SPECC1: variants seen among roughly 807,000 people sequenced by gnomAD.
SPECC1 encodes the protein sperm antigen with calponin homology and coiled-coil domains 1.
A neutral mutation model predicts 104.1 loss-of-function variants in SPECC1; 62 were observed. The ratio of observed to expected loss-of-function variants is 0.60; its 90% CI spans 0.49 to 0.74. The LOEUF is 0.74. Among genes scored for constraint, SPECC1 ranks in the 30% least tolerant of loss-of-function variants. SPECC1 has a pLI of 0.00. For synonymous variants in SPECC1, 513 were observed against 501.6 expected (o/e 1.02, Z -0.30); for missense variants, 1,306 against 1,310.5 (o/e 1.00, Z 0.05).
intron 3 of SPECC1, among the ~76,000 whole-genome samples, chr17:20,197,830 A>C (rs2036139184): frequency 6.6e-6 from 1 of 152,218 alleles, no homozygotes; most frequent in South Asian, 2.1e-4. Context: ...ACCCCTTGAC[A>C]CGGAAAAAGA....
chr17:20,263,845 C>T (rs1416345304), intron 12 of SPECC1, among the ~76,000 whole-genome samples: 1 of 152,092 alleles, frequency 6.6e-6, no homozygotes, highest in East Asian at 1.9e-4. Context: ...AAGATGTTTC[C>T]AGTCAGGATC....
chr17:20,264,298 T>C (rs2526465), intron 12 of SPECC1, among the ~76,000 whole-genome samples: 64,306 of 151,530 alleles, frequency 0.42, 14,264 homozygotes, highest in East Asian at 0.8. Context: ...CAAGGGTATA[T>C]TGCTTGATGC....
chr17:20,286,191 C>A (rs2040939906), intron 12 of SPECC1, among the ~76,000 whole-genome samples: 1 of 152,124 alleles, frequency 6.6e-6, no homozygotes, highest in African/African-American at 2.4e-5. Flanking sequence ...AGCATTCAGC[C>A]CCCCAGAATC....
chr17:20,157,500 A>G (rs2032704695), intron 3 of SPECC1, among the ~76,000 whole-genome samples: 1 of 152,216 alleles, frequency 6.6e-6, no homozygotes, highest in South Asian at 2.1e-4. Flanking sequence ...GTTATAAATA[A>G]CCCTGTTGGT....
intron 2 of SPECC1, among the ~76,000 whole-genome samples, chr17:20,101,355 A>T (rs1345336916): frequency 1.3e-5 from 2 of 152,218 alleles, no homozygotes; most frequent in Non-Finnish European, 2.9e-5. Context: ...AATGATCGCC[A>T]TTCTAACTGG....
chr17:20,295,212 A>C (rs2041308767), intron 12 of SPECC1, among the ~76,000 whole-genome samples: 1 of 114,992 alleles, frequency 8.7e-6, no homozygotes, highest in Admixed American at 1.3e-4. Flanking sequence ...GTTGTTCCCT[A>C]CCCTGTGGCC....
At chr17:20,020,311 A>G (rs922874188) in intron 1 of SPECC1, among the ~76,000 whole-genome samples, 3 of 151,986 alleles carry the variant, frequency 2.0e-5, no homozygotes, top group Non-Finnish European at 4.4e-5. Flanking sequence ...GCCTGGATCT[A>G]GTTTCCTCCC....
At chr17:20,085,846 G>T (rs1215578833) in intron 1 of SPECC1, among the ~76,000 whole-genome samples, 1 of 152,214 alleles carries the variant, frequency 6.6e-6, no homozygotes, top group Non-Finnish European at 1.5e-5. Flanking sequence ...CAGTGGAGGG[G>T]ATATCCACCA....
chr17:20,181,188 A>T (rs1043377494), intron 3 of SPECC1, among the ~76,000 whole-genome samples: 3 of 152,184 alleles, frequency 2.0e-5, no homozygotes, highest in African/African-American at 7.2e-5. Context: ...AGGAAAAAGT[A>T]TAATCTTAGA....
intron 3 of SPECC1, among the ~76,000 whole-genome samples, chr17:20,197,225 A>G (rs137967945): frequency 6.6e-6 from 1 of 152,328 alleles, no homozygotes; most frequent in Non-Finnish European, 1.5e-5. Flanking sequence ...GAGCTTGAAT[A>G]TCTGCTTTTA....
intron 1 of SPECC1, among the ~76,000 whole-genome samples, chr17:20,028,582 T>TG (rs151079377): frequency 0.069 from 10,516 of 152,258 alleles, 985 homozygotes; most frequent in African/African-American, 0.21. Flanking sequence ...TATGTGTCTT[T>TG]TGCCAGTACC....
At chr17:20,017,279 G>A (rs964406220) in intron 1 of SPECC1, 1 of 152,446 alleles carries the variant, frequency 6.6e-6, no homozygotes, top group Non-Finnish European at 1.5e-5. Context: ...AAGGTCTGCA[G>A]CTTCACTCCT....
chr17:20,264,846 A>G (rs2040164794), intron 12 of SPECC1, among the ~76,000 whole-genome samples: 1 of 152,154 alleles, frequency 6.6e-6, no homozygotes, highest in African/African-American at 2.4e-5. Flanking sequence ...CTCAACGTTT[A>G]GCTCCCACTT....
At chr17:20,171,834 G>T (rs1356117298) in intron 3 of SPECC1, among the ~76,000 whole-genome samples, 5 of 152,136 alleles carry the variant, frequency 3.3e-5, no homozygotes, top group Admixed American at 3.3e-4. Flanking sequence ...CTTCTTGATG[G>T]CTGTGGTCAG....
intron 4 of SPECC1, among the ~76,000 whole-genome samples, chr17:20,211,657 C>T (rs2037157013): frequency 6.6e-6 from 1 of 152,262 alleles, no homozygotes. Context: ...CCGACACCCC[C>T]AGGTCTCTGT....
chr17:20,194,494 G>A (rs2035873370), intron 3 of SPECC1, among the ~76,000 whole-genome samples: 1 of 115,506 alleles, frequency 8.7e-6, no homozygotes, highest in African/African-American at 3.4e-5. Context: ...TGTTAGAAAA[G>A]AGAACGAATT....
chr17:20,178,521 T>G (rs1297243607), intron 3 of SPECC1, among the ~76,000 whole-genome samples: 1 of 152,170 alleles, frequency 6.6e-6, no homozygotes, highest in African/African-American at 2.4e-5. Context: ...CATAACTAAA[T>G]CAGAGAGGCA....
rs960057918 is a variant in SPECC1 at position 20,238,215 on chromosome 17, A to G, written c.2351+5810A>G. ...AGCCGGATAGGTAAGCACGGTGACA[A>G]TGGCAATAGAAATCTAATGGAAAAC... On this transcript the variant is annotated intron_variant, in intron 7 of 14. Transcript: ENST00000395527. 4 of 1,039,290 alleles carry G rather than the reference A, an allele frequency of 3.8e-6. No individual in the cohort carries two copies. The African/African-American group carries it at 5.0e-5, about 13-fold the overall frequency. The allele number at this position is 1,039,290 out of a possible 1,614,324, so 64.4% of individuals were successfully genotyped here.
At chr17:20,021,004 A>T (rs1046423719) in intron 1 of SPECC1, among the ~76,000 whole-genome samples, 1 of 152,182 alleles carries the variant, frequency 6.6e-6, no homozygotes, top group African/African-American at 2.4e-5. Context: ...ATTAACATTT[A>T]TTTTGCGTGT....
Sources: gnomAD v4.1 joint callset for allele counts (sites outside exome capture counted in the v4.1 genomes callset) on GRCh38, gnomAD v4.1.1 for gene constraint, MANE v1.5 for transcripts, NCBI Gene and HGNC (gene_info 2026-07-23, HGNC 2026-07-21) for gene names.